IL1RAPL1: variants seen among roughly 807,000 people sequenced by gnomAD.
IL1RAPL1 encodes interleukin-1 receptor accessory protein-like 1.
IL1RAPL1 carries 3 observed loss-of-function variants against 48.4 expected under a neutral mutation model. The observed-to-expected ratio is 0.06, with a 90% CI of 0.03 to 0.16. IL1RAPL1 has a LOEUF of 0.16. Among genes scored for constraint, IL1RAPL1 ranks in the 10% least tolerant of loss-of-function variants. The probability of loss-of-function intolerance (pLI) is 1.00; values close to 1 mark genes in which losing one functional copy is unlikely to be tolerated. For missense variants in IL1RAPL1, 349 were observed against 530.6 expected (o/e 0.66, Z 3.36); for synonymous variants, 185 against 187.7 (o/e 0.99, Z 0.12).
At chrX:29,677,385 C>A (rs927386736) in intron 6 of IL1RAPL1, among the ~76,000 whole-genome samples, 1 of 111,763 alleles carries the variant, frequency 8.9e-6, no homozygotes, top group Non-Finnish European at 1.9e-5. Context: ...GATTGATTTT[C>A]GATTAGCAGT....
intron 5 of IL1RAPL1, among the ~76,000 whole-genome samples, chrX:29,614,064 G>A (rs1002345728): frequency 2.9e-4 from 32 of 110,993 alleles, no homozygotes; most frequent in African/African-American, 7.2e-4. Flanking sequence ...GCCTGGCAGA[G>A]AAGCTGGTTT....
intron 5 of IL1RAPL1, among the ~76,000 whole-genome samples, chrX:29,643,767 C>T (rs1421578621): frequency 1.8e-5 from 2 of 111,406 alleles, no homozygotes; most frequent in Non-Finnish European, 1.9e-5. Flanking sequence ...TCATGCTGCT[C>T]CCTCTTTCTG....
chrX:28,611,537 A>G (rs1199157973), intron 1 of IL1RAPL1, among the ~76,000 whole-genome samples: 1 of 112,803 alleles, frequency 8.9e-6, no homozygotes, highest in Non-Finnish European at 1.9e-5. Flanking sequence ...CAGCATAAGA[A>G]GAGTGTATTT....
chrX:29,881,348 A>G (rs1424601150), intron 6 of IL1RAPL1, among the ~76,000 whole-genome samples: 1 of 111,091 alleles, frequency 9.0e-6, no homozygotes, highest in Non-Finnish European at 1.9e-5. Flanking sequence ...TGGAGTCATC[A>G]GCTGAGGGCT....
intron 5 of IL1RAPL1, among the ~76,000 whole-genome samples, chrX:29,659,896 C>A (rs1274404290): frequency 8.9e-6 from 1 of 111,735 alleles, no homozygotes; most frequent in Non-Finnish European, 1.9e-5. Context: ...AAGGAACTAC[C>A]TGAGACTAGG....
At chrX:29,247,267 G>C (rs1174939456) in intron 2 of IL1RAPL1, among the ~76,000 whole-genome samples, 1 of 111,542 alleles carries the variant, frequency 9.0e-6, no homozygotes, top group Non-Finnish European at 1.9e-5. Context: ...AAAGAGGTAT[G>C]TTTATTCATT....
At chrX:29,139,110 T>C (rs1929193953) in intron 2 of IL1RAPL1, among the ~76,000 whole-genome samples, 1 of 111,800 alleles carries the variant, frequency 8.9e-6, no homozygotes, top group Non-Finnish European at 1.9e-5. Context: ...GGTCAGCCAG[T>C]AGCACTGGAT....
chrX:29,536,926 TG>T (rs1921252371), intron 5 of IL1RAPL1, among the ~76,000 whole-genome samples: 1 of 110,305 alleles, frequency 9.1e-6, no homozygotes, highest in East Asian at 2.8e-4. Context: ...ATATAAGCAA[TG>T]GCTTTATTAT....
chrX:29,932,367 C>T lies in IL1RAPL1; in HGVS notation c.1058-9284C>T, dbSNP rs185509732. On this transcript the variant is annotated intron_variant, in intron 8 of 10. Coordinates refer to ENST00000378993, the MANE Select transcript of IL1RAPL1 (RefSeq NM_014271.4). ...AAGGGAGAATCATTGTCCTATTGTACTGACCTAACTTTGCGAAACCTGGTT... is the reference window on the plus strand; with the variant it reads ...AAGGGAGAATCATTGTCCTATTGTATTGACCTAACTTTGCGAAACCTGGTT... Among the ~76,000 whole-genome samples the T allele has an allele frequency of 7.1e-5, 8 of 112,413 alleles. No individual in the cohort carries two copies. In the Admixed American group the frequency reaches 7.5e-4, roughly 11 times the overall value.
intron 2 of IL1RAPL1, among the ~76,000 whole-genome samples, chrX:29,261,744 G>A (rs772350323): frequency 5.4e-5 from 6 of 110,422 alleles, no homozygotes; most frequent in Admixed American, 2.0e-4. Flanking sequence ...TGTTCTTCTC[G>A]CACTTGCCAT....
intron 2 of IL1RAPL1, among the ~76,000 whole-genome samples, chrX:29,042,760 T>A (rs1431686453): frequency 8.9e-6 from 1 of 111,835 alleles, no homozygotes; most frequent in African/African-American, 3.2e-5. Context: ...CTGTTATGTA[T>A]AAAAATAATA....
chrX:29,519,280 A>C (rs1050079942), intron 5 of IL1RAPL1, among the ~76,000 whole-genome samples: 1 of 111,667 alleles, frequency 9.0e-6, no homozygotes, highest in South Asian at 3.7e-4. Flanking sequence ...GAGAGGTCCA[A>C]ATTTTCTCTT....
chrX:29,157,060 AC>A (rs1342358021), intron 2 of IL1RAPL1, among the ~76,000 whole-genome samples: 1 of 111,806 alleles, frequency 8.9e-6, no homozygotes, highest in Non-Finnish European at 1.9e-5. Flanking sequence ...AGATAAGAGA[AC>A]AGAGAGGCTA....
At position 29,681,743 on chromosome X, in the gene IL1RAPL1, G is replaced by A. The variant is rs189725734; in HGVS notation, c.778+13239G>A. Among the ~76,000 whole-genome samples the A allele has an allele frequency of 2.7e-5, 3 of 112,077 alleles. No homozygotes were observed. The East Asian group carries it at 8.4e-4, about 31-fold the overall frequency. ...TTATTTAAAGCCTACTTTCATGAAT[G>A]TAATGCAGTCATCATTCCTATGTAT... On this transcript the variant is annotated intron_variant, in intron 6 of 10. Transcript: ENST00000378993.
intron 5 of IL1RAPL1, among the ~76,000 whole-genome samples, chrX:29,636,960 G>T (rs1446461198): frequency 9.2e-6 from 1 of 108,990 alleles, no homozygotes; most frequent in Non-Finnish European, 1.9e-5. Context: ...GGCTGAGGCA[G>T]GAGAATCGCT....
At chrX:29,266,166 C>T (rs998328812) in intron 2 of IL1RAPL1, among the ~76,000 whole-genome samples, 58 of 111,318 alleles carry the variant, frequency 5.2e-4, no homozygotes, top group Non-Finnish European at 9.4e-5. Context: ...CACATGCACA[C>T]GTATATTTAT....
intron 2 of IL1RAPL1, among the ~76,000 whole-genome samples, chrX:28,837,125 C>G (rs73452839): frequency 3.4e-4 from 38 of 111,258 alleles, no homozygotes; most frequent in African/African-American, 1.2e-3. Context: ...TATGCGTATA[C>G]ATTGTGGAAT....
intron 5 of IL1RAPL1, among the ~76,000 whole-genome samples, chrX:29,479,894 G>T (rs184747329): frequency 2.7e-5 from 3 of 111,138 alleles, no homozygotes; most frequent in South Asian, 3.8e-4. Flanking sequence ...TATATATACC[G>T]CATTTTCTTT....
chrX:29,766,427 C>A (rs1289535387), intron 6 of IL1RAPL1, among the ~76,000 whole-genome samples: 1 of 85,671 alleles, frequency 1.2e-5, no homozygotes, highest in Non-Finnish European at 2.2e-5. Context: ...ATTTATATAT[C>A]CAAATATATA....
Sources: gnomAD v4.1 joint callset for allele counts (sites outside exome capture counted in the v4.1 genomes callset) on GRCh38, gnomAD v4.1.1 for gene constraint, MANE v1.5 for transcripts, NCBI Gene and HGNC (gene_info 2026-07-23, HGNC 2026-07-21) for gene names.